RCAN1: variants seen among roughly 807,000 people sequenced by gnomAD.
RCAN1 encodes the protein calcipressin-1.
RCAN1 carries 11 observed loss-of-function variants against 22.9 expected under a neutral mutation model. The observed-to-expected ratio is 0.48, with a 90% CI of 0.30 to 0.79. The LOEUF (loss-of-function observed/expected upper bound fraction) is 0.79. Ranked by LOEUF, RCAN1 falls within the 30% of genes least tolerant of loss-of-function variation. The probability of loss-of-function intolerance (pLI) is 0.06; values close to 1 mark genes in which losing one functional copy is unlikely to be tolerated. For synonymous variants in RCAN1, 136 were observed against 142.3 expected (o/e 0.96, Z 0.32); for missense variants, 291 against 337.8 (o/e 0.86, Z 1.09).
intron 1 of RCAN1, among the ~76,000 whole-genome samples, chr21:34,606,827 G>A (rs1273016234): frequency 6.6e-6 from 1 of 152,200 alleles, no homozygotes; most frequent in Non-Finnish European, 1.5e-5. Flanking sequence ...GGCCTCACCA[G>A]AAAGAGACCA....
chr21:34,546,955 G>T (rs1388267476), intron 1 of RCAN1, among the ~76,000 whole-genome samples: 2 of 152,144 alleles, frequency 1.3e-5, no homozygotes, highest in Non-Finnish European at 2.9e-5. Flanking sequence ...GACTTTCTGG[G>T]TAACAGAGAC....
intron 1 of RCAN1, among the ~76,000 whole-genome samples, chr21:34,600,436 A>G (rs1720012121): frequency 6.6e-6 from 1 of 152,122 alleles, no homozygotes; most frequent in South Asian, 2.1e-4. Flanking sequence ...GTATTTCTGA[A>G]AAGGTCTGTT....
chr21:34,521,280 C>T (rs1196014447), intron 3 of RCAN1: 18 of 1,445,300 alleles, frequency 1.2e-5, no homozygotes, highest in Admixed American at 2.6e-5. Context: ...ATGCAGGGTC[C>T]CCACGATCAG....
intron 1 of RCAN1, among the ~76,000 whole-genome samples, chr21:34,540,939 C>T (rs888977104): frequency 4.0e-5 from 6 of 151,814 alleles, no homozygotes; most frequent in East Asian, 1.9e-4. Flanking sequence ...GAGCCGAGAT[C>T]GCACCACTGT....
At chr21:34,519,768 G>A (rs897839283) in intron 3 of RCAN1, among the ~76,000 whole-genome samples, 7 of 152,148 alleles carry the variant, frequency 4.6e-5, no homozygotes, top group African/African-American at 9.7e-5. Context: ...ATTTCCGCCC[G>A]ACAAGAGCGG....
intron 1 of RCAN1, among the ~76,000 whole-genome samples, chr21:34,567,288 GA>G (rs772704282): frequency 2.0e-5 from 3 of 152,172 alleles, no homozygotes; most frequent in East Asian, 3.9e-4. Context: ...GAGGTCAGGA[GA>G]ATCGAGACCA....
intron 1 of RCAN1, among the ~76,000 whole-genome samples, chr21:34,568,579 C>T (rs375160887): frequency 6.6e-6 from 1 of 152,198 alleles, no homozygotes; most frequent in African/African-American, 2.4e-5. Flanking sequence ...GCTCTCCTTA[C>T]ATCCACTGGA....
chr21:34,517,630 T>C lies in RCAN1; in HGVS notation c.*454A>G, dbSNP rs1346047229. 5.1e-5 allele frequency: 8 copies of C among 156,918 alleles called. No individual in the cohort carries two copies. Among genetic ancestry groups the C allele is most frequent in the African/African-American group, 1.9e-4 (8 of 41,568 alleles). 9.7% of individuals were successfully genotyped at this position (156,918 alleles called of 1,614,324 possible). ...AAACGCTACAATTTCCACATTGCAT[T>C]GCTGCTGTTTTCACAACCTCTCTGC... On this transcript the variant is annotated 3_prime_UTR_variant, in exon 4 of 4. Transcript: ENST00000313806.
chr21:34,556,794 CAG>C (rs1480893563), intron 1 of RCAN1, among the ~76,000 whole-genome samples: 1 of 152,220 alleles, frequency 6.6e-6, no homozygotes, highest in Non-Finnish European at 1.5e-5. Context: ...TCCAATGTAA[CAG>C]AAGAATACTG....
At chr21:34,535,930 G>T (rs765160) in intron 1 of RCAN1, among the ~76,000 whole-genome samples, 1 of 150,476 alleles carries the variant, frequency 6.6e-6, no homozygotes, top group East Asian at 2.0e-4. Flanking sequence ...AAAGAAAAGA[G>T]AAAAATAAAA....
intron 1 of RCAN1, among the ~76,000 whole-genome samples, chr21:34,563,794 T>TAGAGAG (rs60116779): frequency 0.035 from 1,698 of 48,460 alleles, 56 homozygotes; most frequent in Non-Finnish European, 0.04. Context: ...TATATATATA[T>TAGAGAG]AGAGAGAGAG....
chr21:34,604,477 A>T (rs553988895), intron 1 of RCAN1, among the ~76,000 whole-genome samples: 1 of 152,228 alleles, frequency 6.6e-6, no homozygotes, highest in East Asian at 1.9e-4. Context: ...GTCATCTCAG[A>T]TCAGTACTGT....
At chr21:34,549,942 C>T (rs144144551) in intron 1 of RCAN1, among the ~76,000 whole-genome samples, 312 of 152,210 alleles carry the variant, frequency 2.0e-3, no homozygotes, top group African/African-American at 5.5e-3. Flanking sequence ...TGAGGCCCAC[C>T]TTGCTCCTTC....
chr21:34,521,596 G>A lies in RCAN1; in HGVS notation c.489C>T (p.Ser163=), dbSNP rs1345110152. The A allele has an allele frequency of 1.2e-6, 2 of 1,614,186 alleles. No individual in the cohort carries two copies. Among genetic ancestry groups the A allele is most frequent in the Admixed American group, 3.3e-5 (2 of 60,030 alleles). Residue 163 remains serine (S), a synonymous_variant, in exon 3 of 4, where the codon TCC becomes TCT. Transcript: ENST00000313806. The part of the protein sequence containing the change: ...PPNPDKQFLI[S]PPASPPVGWK... ...ATCCCACTGGCGGAGAGGCGGGAGG[G>A]GAGATCAGAAACTGCTTGTCTGGAT... is the stretch of plus-strand genomic sequence containing the variant.
Position 34,525,314 on chromosome 21 carries a change from C to T in RCAN1, c.253-1604G>A, listed in dbSNP as rs1349975643. ...ACGACCTTGCTCTCCTTGCATTCCC[C>T]GGCTTTTCTTCAGTTTAGGGACATT... On this transcript the variant is annotated intron_variant, in intron 1 of 3. Transcript: ENST00000313806. 9.1e-6 allele frequency: 14 copies of T among 1,533,294 alleles called. No homozygotes were observed. The South Asian group carries it at 1.2e-4, about 13-fold the overall frequency. 95.0% of individuals were successfully genotyped at this position (1,533,294 alleles called of 1,614,324 possible).
At chr21:34,564,151 A>G (rs1004581613) in intron 1 of RCAN1, among the ~76,000 whole-genome samples, 1 of 152,120 alleles carries the variant, frequency 6.6e-6, no homozygotes, top group Non-Finnish European at 1.5e-5. Flanking sequence ...TTATAAAACC[A>G]TCAGATCTCA....
chr21:34,557,437 C>A (rs953453697), intron 1 of RCAN1, among the ~76,000 whole-genome samples: 1 of 152,134 alleles, frequency 6.6e-6, no homozygotes, highest in Admixed American at 6.5e-5. Context: ...CTATGGAAGG[C>A]TGGTGCAGGT....
chr21:34,587,803 T>C (rs1246796800), intron 1 of RCAN1, among the ~76,000 whole-genome samples: 4 of 152,184 alleles, frequency 2.6e-5, no homozygotes, highest in African/African-American at 7.2e-5. Context: ...ATACCAGATA[T>C]ATGGACAAAC....
chr21:34,551,597 C>T (rs1986368830), intron 1 of RCAN1, among the ~76,000 whole-genome samples: 1 of 151,742 alleles, frequency 6.6e-6, no homozygotes, highest in East Asian at 1.9e-4. Flanking sequence ...AGTTTCCACA[C>T]TGGGACACTT....
Sources: gnomAD v4.1 joint callset for allele counts (sites outside exome capture counted in the v4.1 genomes callset) on GRCh38, gnomAD v4.1.1 for gene constraint, MANE v1.5 for transcripts, NCBI Gene and HGNC (gene_info 2026-07-23, HGNC 2026-07-21) for gene names.